KCTD16: variants seen among roughly 807,000 people sequenced by gnomAD.
The protein encoded by KCTD16 is potassium channel tetramerization domain containing 16, also known as BTB/POZ domain-containing protein KCTD16.
A neutral mutation model predicts 33.2 loss-of-function variants in KCTD16; 13 were observed. The ratio of observed to expected loss-of-function variants is 0.39; its 90% confidence interval spans 0.25 to 0.62. KCTD16 has a LOEUF of 0.62. KCTD16 is among the 20% of genes least tolerant of loss of function. KCTD16 has a pLI of 0.50. For missense variants in KCTD16, 441 were observed against 525.1 expected (o/e 0.84, Z 1.57); for synonymous variants, 197 against 195.3 (o/e 1.01, Z -0.07).
At chr5:144,464,293 G>A (rs1055524114) in intron 3 of KCTD16, among the ~76,000 whole-genome samples, 79 of 152,106 alleles carry the variant, frequency 5.2e-4, no homozygotes, top group African/African-American at 1.8e-3. Context: ...AGTTTTCTGA[G>A]CCATGAGCAA....
intron 3 of KCTD16, among the ~76,000 whole-genome samples, chr5:144,412,543 G>C (rs1340537799): frequency 2.0e-5 from 3 of 152,168 alleles, no homozygotes; most frequent in African/African-American, 7.2e-5. Flanking sequence ...GGGATATAAA[G>C]AGAGTTTGAC....
At chr5:144,263,946 T>C (rs878963244) in intron 3 of KCTD16, among the ~76,000 whole-genome samples, 1 of 152,194 alleles carries the variant, frequency 6.6e-6, no homozygotes, top group Admixed American at 6.5e-5. Context: ...TTCCTGTACT[T>C]ATAAGGGCAT....
chr5:144,250,107 CT>C (rs1007386297), intron 3 of KCTD16, among the ~76,000 whole-genome samples: 6 of 152,156 alleles, frequency 3.9e-5, no homozygotes, highest in African/African-American at 1.4e-4. Flanking sequence ...AAACATGCTT[CT>C]TTTCACATTT....
At chr5:144,203,076 C>T (rs539103895) in intron 2 of KCTD16, among the ~76,000 whole-genome samples, 2 of 152,234 alleles carry the variant, frequency 1.3e-5, no homozygotes, top group South Asian at 4.1e-4. Context: ...TTATTAGATT[C>T]TCTAAGCAGT....
intron 3 of KCTD16, among the ~76,000 whole-genome samples, chr5:144,222,274 T>TA (rs1197925156): frequency 1.3e-5 from 2 of 152,192 alleles, no homozygotes; most frequent in African/African-American, 2.4e-5. Flanking sequence ...ATGGTCAAAA[T>TA]AAAAAATAAG....
rs1399607526 is a variant in KCTD16, at chr5:144,482,038, T to A, written c.*7924T>A. 6.6e-6 allele frequency: 1 copy of A among 151,936 alleles called. No individual in the cohort carries two copies. The highest frequency in any genetic ancestry group is 1.5e-5 in the Non-Finnish European group (1 of 67,936). The allele number at this position is 151,936 out of a possible 1,614,324, so 9.4% of individuals were successfully genotyped here. ...AGATAAAGTAGCACATAAAGGCTCATAGCTAAAAAGTGGCAGAGCCAGATT... is the reference window on the plus strand; with the variant it reads ...AGATAAAGTAGCACATAAAGGCTCAAAGCTAAAAAGTGGCAGAGCCAGATT... On this transcript the variant is annotated 3_prime_UTR_variant, in exon 4 of 4. Coordinates refer to ENST00000512467, the MANE Select transcript of KCTD16 (RefSeq NM_020768.4).
intron 3 of KCTD16, among the ~76,000 whole-genome samples, chr5:144,441,731 T>C (rs542734350): frequency 6.6e-6 from 1 of 152,064 alleles, no homozygotes; most frequent in African/African-American, 2.4e-5. Flanking sequence ...AGTAGCTTTG[T>C]AGTAAATTTT....
chr5:144,382,218 C>T (rs1225010340), intron 3 of KCTD16, among the ~76,000 whole-genome samples: 4 of 151,916 alleles, frequency 2.6e-5, no homozygotes, highest in African/African-American at 4.8e-5. Context: ...AACCAAAGAT[C>T]GGAATAATAG....
chr5:144,421,273 T>C (rs530174080), intron 3 of KCTD16, among the ~76,000 whole-genome samples: 2 of 152,298 alleles, frequency 1.3e-5, no homozygotes, highest in South Asian at 4.1e-4. Context: ...CGAAATCAAA[T>C]GAGTCTCTCA....
intron 3 of KCTD16, among the ~76,000 whole-genome samples, chr5:144,347,018 A>G (rs923396123): frequency 3.3e-5 from 5 of 151,382 alleles, no homozygotes; most frequent in Non-Finnish European, 7.4e-5. Flanking sequence ...AATCATTTTG[A>G]CTTTTATTTT....
At chr5:144,311,461 A>G (rs1460606864) in intron 3 of KCTD16, among the ~76,000 whole-genome samples, 2 of 152,324 alleles carry the variant, frequency 1.3e-5, no homozygotes, top group East Asian at 3.9e-4. Flanking sequence ...AAGTATGCTG[A>G]AAACGTAATT....
intron 2 of KCTD16, among the ~76,000 whole-genome samples, chr5:144,193,314 C>T (rs1352909901): frequency 6.6e-6 from 1 of 152,166 alleles, no homozygotes; most frequent in African/African-American, 2.4e-5. Flanking sequence ...CTCAGACCTG[C>T]ACTCTCACCC....
chr5:144,319,939 A>G (rs1281779322), intron 3 of KCTD16, among the ~76,000 whole-genome samples: 1 of 152,098 alleles, frequency 6.6e-6, no homozygotes, highest in Non-Finnish European at 1.5e-5. Context: ...TTATAAATTG[A>G]TATTTGTATA....
intron 3 of KCTD16, among the ~76,000 whole-genome samples, chr5:144,406,271 TTA>T: frequency 6.6e-6 from 1 of 152,272 alleles, no homozygotes; most frequent in East Asian, 1.9e-4. Context: ...CGGCAATGAT[TTA>T]TGTTTTCCCA....
At chr5:144,179,856 T>G (rs2126772816) in intron 2 of KCTD16, among the ~76,000 whole-genome samples, 1 of 152,314 alleles carries the variant, frequency 6.6e-6, no homozygotes, top group East Asian at 1.9e-4. Flanking sequence ...TAACAAAGAT[T>G]TATTGAGAAC....
At position 144,257,955 on chromosome 5, in the gene KCTD16, A is replaced by T. The variant is rs1303284237; in HGVS notation, c.832+50409A>T. 2.0e-5 allele frequency among the ~76,000 whole-genome samples: 3 copies of T among 152,250 alleles called. No individual in the cohort carries two copies. In the East Asian group the frequency reaches 5.8e-4, roughly 29 times the overall value. On this transcript the variant is annotated intron_variant, in intron 3 of 3. Transcript: ENST00000512467. Reference sequence around the variant, plus strand: ...AGCTTTTTCGATAAGTTATAAGGATATTTCTCCCTGGACAATATGTATATC... The same window carrying T: ...AGCTTTTTCGATAAGTTATAAGGATTTTTCTCCCTGGACAATATGTATATC...
chr5:144,383,345 G>A (rs1014528883), intron 3 of KCTD16, among the ~76,000 whole-genome samples: 2 of 152,018 alleles, frequency 1.3e-5, no homozygotes, highest in African/African-American at 4.8e-5. Context: ...TTCACATTTT[G>A]TTGAGTTATT....
intron 3 of KCTD16, among the ~76,000 whole-genome samples, chr5:144,419,263 G>A (rs550486707): frequency 6.6e-6 from 1 of 152,216 alleles, no homozygotes; most frequent in African/African-American, 2.4e-5. Context: ...AGTCCTGAAA[G>A]GTTTACAGTG....
intron 3 of KCTD16, among the ~76,000 whole-genome samples, chr5:144,274,281 G>T (rs922128729): frequency 3.3e-5 from 5 of 151,540 alleles, no homozygotes; most frequent in Non-Finnish European, 7.4e-5. Flanking sequence ...GGTATTCATG[G>T]TAGGAGGTCT....
Sources: allele counts gnomAD v4.1 joint callset (sites outside exome capture counted in the v4.1 genomes callset), GRCh38; gene constraint gnomAD v4.1.1; transcripts MANE v1.5; gene names NCBI Gene and HGNC (gene_info 2026-07-23, HGNC 2026-07-21).